The following AHCTF1 variants were observed in gnomAD, a reference collection of about 807,000 sequenced individuals.
The protein encoded by AHCTF1 is protein ELYS.
Under a neutral mutation model 248.4 loss-of-function variants are expected in AHCTF1, and 24 were observed. That is an observed-to-expected ratio of 0.10 (90% CI 0.07 to 0.14). The LOEUF (loss-of-function observed/expected upper bound fraction) is 0.14. Ranked by LOEUF, AHCTF1 falls within the 10% of genes least tolerant of loss-of-function variation. The pLI is 1.00. For missense variants in AHCTF1, 2,206 were observed against 2,636.2 expected, an observed-to-expected ratio of 0.84 and a Z score of 3.57; for synonymous variants, 786 against 929.8, an observed-to-expected ratio of 0.85 and a Z score of 2.81.
Position 246,872,072 on chromosome 1 carries a change from A to ACC in AHCTF1, c.3088+3964_3088+3965insGG, listed in dbSNP as rs1558235613. Among the ~76,000 whole-genome samples, 1,122 of 147,172 alleles carry ACC rather than the reference A, an allele frequency of 7.6e-3. 19 individuals carry two copies. The highest frequency in any genetic ancestry group is 0.026 in the African/African-American group (1,023 of 39,592). ...ATGACAAAAAAAAAAAAAAAAAAAG[A>ACC]ACCTAGATTCCCAAAAACCTAGGGT... On this transcript the variant is annotated intron_variant, in intron 24 of 35. Coordinates refer to ENST00000648844, the MANE Select transcript of AHCTF1 (RefSeq NM_001323342.2).
intron 21 of AHCTF1, among the ~76,000 whole-genome samples, chr1:246,878,644 G>A (rs1293020377): frequency 6.6e-6 from 1 of 152,114 alleles, no homozygotes; most frequent in Non-Finnish European, 1.5e-5. Context: ...AAAATTTTTG[G>A]AGGCTGACAA....
rs547101507 is a variant in AHCTF1 at position 246,882,697 on chromosome 1, A to T, written c.2660+2796T>A. On this transcript the variant is annotated intron_variant, in intron 21 of 35. Coordinates refer to ENST00000648844, the MANE Select transcript of AHCTF1 (RefSeq NM_001323342.2). The stretch of plus-strand genomic sequence containing the variant: ...GGCTTTCTTGTACATTTATGATCCT[A>T]AGACTGAATAATCAATGTTAGTAGC... Among the ~76,000 whole-genome samples, 4 of 152,364 alleles carry T rather than the reference A, an allele frequency of 2.6e-5. No individual in the cohort carries two copies. The South Asian group carries it at 8.3e-4, about 32-fold the overall frequency.
chr1:246,842,805 G>C (rs1364635131), intron 34 of AHCTF1, 29 bp from the exon 35 acceptor site: 3 of 1,569,440 alleles, frequency 1.9e-6, no homozygotes, highest in Non-Finnish European at 2.6e-6. Flanking sequence ...AAAAGGTTAA[G>C]TATTAAACAC....
chr1:246,879,958 G>C (rs1486632536), intron 21 of AHCTF1, among the ~76,000 whole-genome samples: 2 of 152,122 alleles, frequency 1.3e-5, no homozygotes, highest in Admixed American at 1.3e-4. Context: ...CCAAACTAAA[G>C]TGAAAAAAGT....
At chr1:246,877,396 T>C (rs781446110) in intron 21 of AHCTF1, 94 bp from the exon 22 acceptor site, 86 of 1,272,892 alleles carry the variant, frequency 6.8e-5, no homozygotes, top group Middle Eastern at 4.6e-4. Context: ...AGATACTTTG[T>C]AAAGTATCTT....
At chr1:246,869,467 G>C (rs974700106) in intron 24 of AHCTF1, among the ~76,000 whole-genome samples, 6 of 152,214 alleles carry the variant, frequency 3.9e-5, no homozygotes, top group African/African-American at 1.2e-4. Context: ...TGCTACGTCA[G>C]TGAACACATG....
At chr1:246,924,461 T>A (rs1467614745) in intron 1 of AHCTF1, among the ~76,000 whole-genome samples, 1 of 151,900 alleles carries the variant, frequency 6.6e-6, no homozygotes, top group Non-Finnish European at 1.5e-5. Flanking sequence ...AATCAATAAT[T>A]AAAGAATTTT....
At chr1:246,845,070 A>T (rs559013750) in intron 33 of AHCTF1, among the ~76,000 whole-genome samples, 191 of 152,308 alleles carry the variant, frequency 1.3e-3, no homozygotes, top group Middle Eastern at 3.4e-3. Flanking sequence ...TGCTCTACAG[A>T]TGTTTGCATT....
At chr1:246,881,814 G>A (rs982665471) in intron 21 of AHCTF1, among the ~76,000 whole-genome samples, 3 of 148,114 alleles carry the variant, frequency 2.0e-5, no homozygotes, top group East Asian at 2.0e-4. Context: ...CCCCAGCCTG[G>A]GTAACAGAGC....
chr1:246,915,731 T>A lies in AHCTF1; in HGVS notation c.375+411A>T, dbSNP rs537667800. On this transcript the variant is annotated intron_variant, in intron 3 of 35. Coordinates refer to ENST00000648844, the MANE Select transcript of AHCTF1 (RefSeq NM_001323342.2). Reference sequence around the variant, plus strand: ...TTTCCATAATGCTCCAATCCAAGACTATTGTCGCAAATTTAAAAGGTAAAA... The same window carrying A: ...TTTCCATAATGCTCCAATCCAAGACAATTGTCGCAAATTTAAAAGGTAAAA... Among the ~76,000 whole-genome samples, 4 of 152,274 alleles carry A rather than the reference T, an allele frequency of 2.6e-5. No homozygotes were observed. The East Asian group carries it at 7.7e-4, about 29-fold the overall frequency.
At chr1:246,882,061 C>G (rs9729306) in intron 21 of AHCTF1, among the ~76,000 whole-genome samples, 90,918 of 148,448 alleles carry the variant, frequency 0.61, 30,440 homozygotes, top group African/African-American at 0.9. Flanking sequence ...GCAATGGCAC[C>G]ATCTCTGCTC....
At chr1:246,872,776 G>T (rs969016515) in intron 24 of AHCTF1, among the ~76,000 whole-genome samples, 8 of 152,144 alleles carry the variant, frequency 5.3e-5, no homozygotes, top group Admixed American at 5.2e-4. Flanking sequence ...TGGCATGATT[G>T]AACCTTCGAA....
chr1:246,874,478 C>T (rs537213049), intron 24 of AHCTF1, among the ~76,000 whole-genome samples: 1 of 152,208 alleles, frequency 6.6e-6, no homozygotes, highest in East Asian at 1.9e-4. Flanking sequence ...AGCACTTACC[C>T]AAATGCTAGG....
chr1:246,920,142 CAAAAAAAAAA>C (rs68194249), intron 1 of AHCTF1, among the ~76,000 whole-genome samples: 4 of 40,784 alleles, frequency 9.8e-5, no homozygotes, highest in Non-Finnish European at 1.8e-4. Flanking sequence ...CTGTCCCCCG[CAAAAAAAAAA>C]AAAAAAAAAA....
At chr1:246,902,159 T>C (rs1665046262) in intron 8 of AHCTF1, among the ~76,000 whole-genome samples, 1 of 152,260 alleles carries the variant, frequency 6.6e-6, no homozygotes, top group African/African-American at 2.4e-5. Context: ...GAAAAAGCGA[T>C]GACACTAAAG....
chr1:246,912,794 T>C (rs1221141840), intron 4 of AHCTF1, among the ~76,000 whole-genome samples: 1 of 152,250 alleles, frequency 6.6e-6, no homozygotes, highest in Non-Finnish European at 1.5e-5. Flanking sequence ...ATTTTATTTC[T>C]ATCTTGGTGT....
At chr1:246,866,246 C>G (rs980557766) in intron 26 of AHCTF1, among the ~76,000 whole-genome samples, 2 of 152,072 alleles carry the variant, frequency 1.3e-5, no homozygotes, top group South Asian at 4.1e-4. Context: ...TAATCAAAGG[C>G]CTTTCAACTT....
chr1:246,888,320 A>G (rs1472451622), intron 18 of AHCTF1, 74 bp downstream of exon 18: 6 of 1,612,082 alleles, frequency 3.7e-6, no homozygotes, highest in Non-Finnish European at 5.1e-6. Flanking sequence ...TTTGTGCCAG[A>G]CACACAGCTA....
At chr1:246,921,109 T>C (rs999986283) in intron 1 of AHCTF1, among the ~76,000 whole-genome samples, 4 of 151,554 alleles carry the variant, frequency 2.6e-5, no homozygotes, top group Non-Finnish European at 4.4e-5. Context: ...TAAATAATAA[T>C]AATAAAAATA....
Sources: gnomAD v4.1 joint callset for allele counts (sites outside exome capture counted in the v4.1 genomes callset) on GRCh38, gnomAD v4.1.1 for gene constraint, MANE v1.5 for transcripts, NCBI Gene and HGNC (gene_info 2026-07-23, HGNC 2026-07-21) for gene names.